AHI1: variants seen among roughly 807,000 people sequenced by gnomAD.
AHI1 encodes jouberin.
In AHI1, 123 loss-of-function variants were observed where a neutral mutation model predicts 149.3. The ratio of observed to expected loss-of-function variants is 0.82; its 90% CI spans 0.71 to 0.96. The LOEUF (loss-of-function observed/expected upper bound fraction) is 0.96. Ranked by LOEUF, AHI1 falls within the 40% of genes least tolerant of loss-of-function variation. The probability of loss-of-function intolerance (pLI) is 0.00; values close to 1 mark genes in which losing one functional copy is unlikely to be tolerated. For synonymous variants in AHI1, 475 were observed against 459.8 expected, an observed-to-expected ratio of 1.03 and a Z score of -0.42; for missense variants, 1,439 against 1,422.7, an observed-to-expected ratio of 1.01 and a Z score of -0.18.
At chr6:135,429,766 C>A in intron 18 of AHI1, 116 bp downstream of exon 18, 1 of 551,942 alleles carries the variant, frequency 1.8e-6, no homozygotes, top group Non-Finnish European at 3.0e-6. Context: ...CCAGATGTTC[C>A]TTGGTGAGTG....
chr6:135,457,796 G>A (rs2128082093), intron 8 of AHI1, 83 bp from the exon 9 acceptor site: 1 of 1,289,552 alleles, frequency 7.8e-7, no homozygotes, highest in Non-Finnish European at 1.1e-6. Context: ...TTTAAGATCT[G>A]TGATGATCTC....
chr6:135,323,053 A>C (rs1466450857), intron 25 of AHI1, 109 bp downstream of exon 25: 2 of 1,193,660 alleles, frequency 1.7e-6, no homozygotes, highest in African/African-American at 1.5e-5. Context: ...CCCATTGGTA[A>C]ACATATGCAA....
intron 24 of AHI1, among the ~76,000 whole-genome samples, chr6:135,354,501 G>A (rs1416782427): frequency 6.6e-6 from 1 of 152,048 alleles, no homozygotes; most frequent in African/African-American, 2.4e-5. Context: ...TGTTCCAGGG[G>A]GAATACTTCC....
chr6:135,418,767 C>G (rs1028005557), intron 20 of AHI1, among the ~76,000 whole-genome samples: 10 of 151,942 alleles, frequency 6.6e-5, no homozygotes, highest in African/African-American at 2.2e-4. Context: ...TTATATATAG[C>G]CCTGTTACTT....
In AHI1 at chr6:135,383,617, G is replaced by C. The variant is rs113909745; in HGVS notation, c.3109+11159C>G. ...GAATGGAATACTCATTTTCTTCAAA[G>C]GCATGTATTAAGTGTATTATCAGAA... On this transcript the variant is annotated intron_variant, in intron 23 of 28. Transcript: ENST00000265602. Among the ~76,000 whole-genome samples the C allele has an allele frequency of 9.4e-3, 1,422 of 151,642 alleles. 20 individuals carry two copies. Among genetic ancestry groups the C allele is most frequent in the African/African-American group, 0.032 (1,327 of 41,298 alleles).
chr6:135,330,609 C>T (rs1582624322), intron 24 of AHI1, among the ~76,000 whole-genome samples: 1 of 152,150 alleles, frequency 6.6e-6, no homozygotes. Flanking sequence ...GGAACCAAAC[C>T]GGCAATATCT....
chr6:135,395,703 TC>T (rs893637327), intron 22 of AHI1, among the ~76,000 whole-genome samples: 33 of 152,060 alleles, frequency 2.2e-4, no homozygotes, highest in African/African-American at 7.9e-4. Context: ...AATCATTTAA[TC>T]TTTTTCATTA....
intron 23 of AHI1, among the ~76,000 whole-genome samples, chr6:135,387,579 C>G (rs1391577358): frequency 6.6e-6 from 1 of 152,172 alleles, no homozygotes; most frequent in Non-Finnish European, 1.5e-5. Context: ...CAACTTTCTT[C>G]TTGAAATTAC....
intron 23 of AHI1, among the ~76,000 whole-genome samples, chr6:135,379,308 C>G (rs748709738): frequency 2.0e-5 from 3 of 152,180 alleles, no homozygotes; most frequent in Non-Finnish European, 4.4e-5. Flanking sequence ...TTCTACTTCT[C>G]TATCTTCACT....
chr6:135,289,508 C>CA (rs1381289084), intron 28 of AHI1, among the ~76,000 whole-genome samples: 5 of 151,142 alleles, frequency 3.3e-5, no homozygotes, highest in Admixed American at 1.3e-4. Context: ...ACAACAACAA[C>CA]AAAAAAAAGA....
At chr6:135,468,141 T>G (rs1485986930) in intron 5 of AHI1, among the ~76,000 whole-genome samples, 2 of 152,194 alleles carry the variant, frequency 1.3e-5, no homozygotes, top group African/African-American at 4.8e-5. Context: ...AAGACTCTTT[T>G]GCTCACCTAA....
chr6:135,349,304 T>C (rs1163308879), intron 24 of AHI1, among the ~76,000 whole-genome samples: 1 of 152,034 alleles, frequency 6.6e-6, no homozygotes, highest in Non-Finnish European at 1.5e-5. Flanking sequence ...TTAGAAAAAA[T>C]AGTGAGAATT....
intron 23 of AHI1, among the ~76,000 whole-genome samples, chr6:135,364,628 G>A (rs536447087): frequency 1.4e-4 from 21 of 152,038 alleles, no homozygotes; most frequent in African/African-American, 4.3e-4. Flanking sequence ...ACGAGACTCC[G>A]TCTGCAATCC....
chr6:135,451,058 A>G (rs11966016), intron 11 of AHI1, among the ~76,000 whole-genome samples: 9,949 of 151,788 alleles, frequency 0.066, 743 homozygotes, highest in African/African-American at 0.18. Context: ...GTGCAGTGGT[A>G]CAATCACAGG....
At chr6:135,418,721 G>A (rs2127990702) in intron 20 of AHI1, among the ~76,000 whole-genome samples, 1 of 151,976 alleles carries the variant, frequency 6.6e-6, no homozygotes, top group African/African-American at 2.4e-5. Flanking sequence ...GTTCCCCTTT[G>A]GTTCACCGTT....
chr6:135,469,571 G>T (rs941097509), intron 5 of AHI1, among the ~76,000 whole-genome samples: 1 of 151,860 alleles, frequency 6.6e-6, no homozygotes, highest in Non-Finnish European at 1.5e-5. Context: ...ACCTGACTTC[G>T]AACTATACTG....
At position 135,411,571 on chromosome 6, in the gene AHI1, A is replaced by G. The variant is rs568880214; in HGVS notation, c.2765-27T>C. ...TGAAGAAATGAATCCATAATTAGTTAAATCATCATAGCAAAAGCATAATCA... is the reference window on the plus strand; with the variant it reads ...TGAAGAAATGAATCCATAATTAGTTGAATCATCATAGCAAAAGCATAATCA... On this transcript the variant is annotated intron_variant, in intron 20 of 28. Transcript: ENST00000265602. 100 of 1,519,220 alleles carry G rather than the reference A, an allele frequency of 6.6e-5. No homozygotes were observed. The Middle Eastern group carries it at 8.8e-4, about 13-fold the overall frequency. The allele number at this position is 1,519,220 out of a possible 1,614,324, so 94.1% of individuals were successfully genotyped here. A position where few individuals can be genotyped will look rare whatever the true frequency, so the allele number is the denominator to read the frequency against.
intron 24 of AHI1, among the ~76,000 whole-genome samples, chr6:135,341,610 A>C (rs760546391): frequency 1.3e-5 from 2 of 151,994 alleles, no homozygotes; most frequent in Non-Finnish European, 2.9e-5. Flanking sequence ...TAAATTTTAA[A>C]AACCTGAAAG....
chr6:135,328,688 T>C lies in AHI1; in HGVS notation c.3166-5364A>G, dbSNP rs144592195. ...CTATAATGGCCCCTAAGTGTTCAAA[T>C]GAAAAGAGTTGCAAGTCCTTCATTT... is the stretch of plus-strand genomic sequence containing the variant. On this transcript the variant is annotated intron_variant, in intron 24 of 28. Coordinates refer to ENST00000265602, the MANE Select transcript of AHI1 (RefSeq NM_001134831.2). 1.9e-3 allele frequency among the ~76,000 whole-genome samples: 282 copies of C among 152,182 alleles called. 1 individual carries two copies. The highest frequency in any genetic ancestry group is 6.6e-3 in the African/African-American group (274 of 41,532).
Sources: allele counts gnomAD v4.1 joint callset (sites outside exome capture counted in the v4.1 genomes callset), GRCh38; gene constraint gnomAD v4.1.1; transcripts MANE v1.5; gene names NCBI Gene and HGNC (gene_info 2026-07-23, HGNC 2026-07-21).